CREB3L2: variants seen among roughly 807,000 people sequenced by gnomAD.
CREB3L2 encodes the protein cyclic AMP-responsive element-binding protein 3-like protein 2.
Under a neutral mutation model 57.2 loss-of-function variants are expected in CREB3L2, and 23 were observed. The observed-to-expected ratio is 0.40, with a 90% CI of 0.29 to 0.57. CREB3L2 has a LOEUF of 0.57. CREB3L2 is among the 20% of genes least tolerant of loss of function. CREB3L2 has a pLI of 0.42. For synonymous variants in CREB3L2, 268 were observed against 265.1 expected (o/e 1.01, Z -0.11); for missense variants, 628 against 634.7 (o/e 0.99, Z 0.11).
At chr7:137,901,239 G>A in intron 8 of CREB3L2, 115 bp downstream of exon 8, 1 of 704,876 alleles carries the variant, frequency 1.4e-6, no homozygotes, top group African/African-American at 1.8e-5. Context: ...CAGCACAACT[G>A]CACTTTCACT....
At position 138,001,830 on chromosome 7, in the gene CREB3L2, T is replaced by C. The variant is rs1005752147; in HGVS notation, c.-125A>G. ...CGTGTGTGCGCGCGCGTGTCTGTAGTTTTGCACTTGGAAAGCAAACGTCTG... is the reference window on the plus strand; with the variant it reads ...CGTGTGTGCGCGCGCGTGTCTGTAGCTTTGCACTTGGAAAGCAAACGTCTG... On this transcript the variant is annotated 5_prime_UTR_variant, in exon 1 of 12. Coordinates refer to ENST00000330387, the MANE Select transcript of CREB3L2 (RefSeq NM_194071.4). The surrounding 1 kb of genome is among the most constrained non-coding windows in gnomAD (Gnocchi z 4.2). The C allele has an allele frequency of 8.0e-6, 5 of 624,588 alleles. No homozygotes were observed. Among genetic ancestry groups the C allele is most frequent in the Non-Finnish European group, 1.3e-5 (5 of 388,478 alleles). The allele number at this position is 624,588 out of a possible 1,614,324, so 38.7% of individuals were successfully genotyped here. A position where few individuals can be genotyped will look rare whatever the true frequency, so the allele number is the denominator to read the frequency against.
At chr7:137,889,720 CCAAA>C (rs1227446033) in intron 8 of CREB3L2, among the ~76,000 whole-genome samples, 7 of 152,102 alleles carry the variant, frequency 4.6e-5, no homozygotes, top group African/African-American at 1.7e-4. Flanking sequence ...TCCCCAGAAT[CCAAA>C]CAGACTTCTA....
Position 137,986,037 on chromosome 7 carries a change from C to G in CREB3L2, c.102+15567G>C, listed in dbSNP as rs907113943. ...AATAGAAGAAAGGAACCGAATATCC[C>G]CCATCTAGCGGCCACAAACCAGACA... On this transcript the variant is annotated intron_variant, in intron 1 of 11. Transcript: ENST00000330387. Among the ~76,000 whole-genome samples, 4 of 152,156 alleles carry G rather than the reference C, an allele frequency of 2.6e-5. No homozygotes were observed. The East Asian group carries it at 7.7e-4, about 29-fold the overall frequency.
At chr7:137,973,683 AC>A (rs55827827) in intron 1 of CREB3L2, among the ~76,000 whole-genome samples, 41,875 of 138,158 alleles carry the variant, frequency 0.3, 5,862 homozygotes, top group Middle Eastern at 0.43. Context: ...GCCAAGAGGG[AC>A]CCTACTAGTC....
At chr7:137,906,933 T>C (rs1403315293) in intron 5 of CREB3L2, among the ~76,000 whole-genome samples, 2 of 152,176 alleles carry the variant, frequency 1.3e-5, no homozygotes, top group Non-Finnish European at 2.9e-5. Flanking sequence ...CTCTTGTAAA[T>C]TGCCCAATCT....
At chr7:137,979,068 T>G (rs192257067) in intron 1 of CREB3L2, among the ~76,000 whole-genome samples, 137 of 152,280 alleles carry the variant, frequency 9.0e-4, no homozygotes, top group African/African-American at 3.2e-3. Context: ...AATAGTTGCA[T>G]CTTAAGTAAT....
intron 5 of CREB3L2, among the ~76,000 whole-genome samples, chr7:137,906,049 T>C (rs942202619): frequency 6.6e-6 from 1 of 152,156 alleles, no homozygotes; most frequent in African/African-American, 2.4e-5. Flanking sequence ...GTGAGTGTTA[T>C]AACCTAGGGA....
chr7:137,933,576 G>A (rs273980), intron 1 of CREB3L2, among the ~76,000 whole-genome samples: 83,199 of 151,732 alleles, frequency 0.55, 23,517 homozygotes, highest in East Asian at 0.81. Context: ...CAGCACTAAC[G>A]ATAGACAGTT....
chr7:137,918,294 G>T (rs964890380), intron 2 of CREB3L2, among the ~76,000 whole-genome samples: 1 of 152,094 alleles, frequency 6.6e-6, no homozygotes, highest in African/African-American at 2.4e-5. Flanking sequence ...GGATTCAAGC[G>T]ATTCTCCTGC....
chr7:137,917,383 G>A (rs901942280), intron 2 of CREB3L2, among the ~76,000 whole-genome samples: 4 of 152,310 alleles, frequency 2.6e-5, no homozygotes, highest in African/African-American at 9.6e-5. Flanking sequence ...ACAAGACAAA[G>A]CAAGCCAAAG....
At chr7:137,967,068 TCTCA>T (rs1801419631) in intron 1 of CREB3L2, among the ~76,000 whole-genome samples, 2 of 152,176 alleles carry the variant, frequency 1.3e-5, no homozygotes, top group Non-Finnish European at 2.9e-5. Context: ...CTTCTCTCTC[TCTCA>T]GTCTTCTCTC....
intron 1 of CREB3L2, among the ~76,000 whole-genome samples, chr7:137,993,135 A>T (rs951137870): frequency 2.6e-5 from 4 of 152,240 alleles, no homozygotes; most frequent in Admixed American, 2.6e-4. Flanking sequence ...GAATGATGTC[A>T]GACTCCTAAG....
In CREB3L2 at chr7:137,986,279, T is replaced by A. The variant is rs559920021; in HGVS notation, c.102+15325A>T. Among the ~76,000 whole-genome samples, 5 of 152,330 alleles carry A rather than the reference T, an allele frequency of 3.3e-5. No individual in the cohort carries two copies. In the East Asian group the frequency reaches 9.6e-4, roughly 29 times the overall value. ...ATAAACAGCAGTGAATAAAAGAAAG[T>A]CTCTGCTTTCACGGTGTTTCCATTT... On this transcript the variant is annotated intron_variant, in intron 1 of 11. Coordinates refer to ENST00000330387, the MANE Select transcript of CREB3L2 (RefSeq NM_194071.4).
At chr7:137,895,248 GA>G (rs1195796098) in intron 8 of CREB3L2, among the ~76,000 whole-genome samples, 2 of 152,246 alleles carry the variant, frequency 1.3e-5, no homozygotes, top group African/African-American at 4.8e-5. Context: ...GGGCCATCCA[GA>G]AAGCTTGCAG....
In CREB3L2 at chr7:137,879,196, G is replaced by A. The variant is rs1291496841; in HGVS notation, c.*1280C>T. 3.8e-6 allele frequency: 2 copies of A among 526,884 alleles called. No homozygotes were observed. Among genetic ancestry groups the A allele is most frequent in the South Asian group, 3.3e-5 (2 of 61,328 alleles). The allele number at this position is 526,884 out of a possible 1,614,324, so 32.6% of individuals were successfully genotyped here. ...AAAAAAAACAAAAAAACTAAAAGTA[G>A]GTTGGGGATTAGGTTGTATCTCTTT... On this transcript the variant is annotated 3_prime_UTR_variant, in exon 12 of 12. Transcript: ENST00000330387.
chr7:137,880,668 C>T lies in CREB3L2; in HGVS notation c.1488-117G>A. The stretch of plus-strand genomic sequence containing the variant: ...TTGCAACTTGGTGAGACGGCCTGGG[C>T]ATGTTTCTTGTCCTTTTCTCTCCTA... On this transcript the variant is annotated intron_variant, in intron 11 of 11. Transcript: ENST00000330387. The surrounding 1 kb of genome is among the most constrained non-coding windows in gnomAD (Gnocchi z 4.0). The T allele has an allele frequency of 1.3e-6, 1 of 790,126 alleles. No homozygotes were observed. Among genetic ancestry groups the T allele is most frequent in the South Asian group, 1.5e-5 (1 of 67,566 alleles). The allele number at this position is 790,126 out of a possible 1,614,324, so 48.9% of individuals were successfully genotyped here. A position where few individuals can be genotyped will look rare whatever the true frequency, so the allele number is the denominator to read the frequency against.
intron 7 of CREB3L2, 75 bp from the exon 8 acceptor site, chr7:137,901,497 G>A (rs1799756226): frequency 2.2e-6 from 2 of 906,556 alleles, no homozygotes; most frequent in East Asian, 2.5e-5. Context: ...GTGGAGGTAG[G>A]TGGGGATGAG....
At chr7:137,997,074 C>T (rs150180396) in intron 1 of CREB3L2, among the ~76,000 whole-genome samples, 1 of 152,314 alleles carries the variant, frequency 6.6e-6, no homozygotes, top group East Asian at 1.9e-4. Flanking sequence ...GGGGCCTTCC[C>T]ACTTCCCCTG....
intron 8 of CREB3L2, among the ~76,000 whole-genome samples, chr7:137,887,231 G>A: frequency 6.6e-6 from 1 of 152,158 alleles, no homozygotes. Context: ...AGGACAAGCA[G>A]ATTTTTCCTG....
Sources: allele counts gnomAD v4.1 joint callset (sites outside exome capture counted in the v4.1 genomes callset), GRCh38; gene constraint gnomAD v4.1.1; non-coding constraint Gnocchi (gnomAD v3.1); transcripts MANE v1.5; gene names NCBI Gene and HGNC (gene_info 2026-07-23, HGNC 2026-07-21).